Variants in STK24 observed in about 807,000 individuals in gnomAD.
The protein encoded by STK24 is serine/threonine kinase 24.
STK24 carries 21 observed loss-of-function variants against 55.6 expected under a neutral mutation model. That is an observed-to-expected ratio of 0.38 (90% CI 0.27 to 0.54). The LOEUF is 0.54. Ranked by LOEUF, STK24 falls within the 20% of genes least tolerant of loss-of-function variation. STK24 has a pLI of 0.79. For synonymous variants in STK24, 200 were observed against 215.2 expected (o/e 0.93, Z 0.62); for missense variants, 383 against 538.4 (o/e 0.71, Z 2.86).
chr13:98,576,568 G>A (rs1390261576), intron 1 of STK24, among the ~76,000 whole-genome samples, 177 bp downstream of exon 1: 1 of 152,018 alleles, frequency 6.6e-6, no homozygotes, highest in African/African-American at 2.4e-5. Context: ...GGCCGCCGGA[G>A]CCGGCAGGGA....
chr13:98,569,749 G>A (rs917794605), intron 1 of STK24, among the ~76,000 whole-genome samples: 5 of 151,872 alleles, frequency 3.3e-5, no homozygotes, highest in Non-Finnish European at 7.4e-5. Flanking sequence ...ACATCTCTCT[G>A]CTGGGGGAGA....
At chr13:98,552,174 T>C (rs1035389661) in intron 1 of STK24, among the ~76,000 whole-genome samples, 8 of 152,242 alleles carry the variant, frequency 5.3e-5, no homozygotes, top group African/African-American at 1.9e-4. Flanking sequence ...TTCTATATTT[T>C]GAATAAATTA....
In STK24 at chr13:98,538,438, CGGTCTCA is replaced by C. The variant is rs1445845217; in HGVS notation, c.43-18972_43-18966del. Among the ~76,000 whole-genome samples, 79 of 151,982 alleles carry C rather than the reference CGGTCTCA, an allele frequency of 5.2e-4. 1 individual carries two copies. Among genetic ancestry groups the C allele is most frequent in the African/African-American group, 1.8e-3 (76 of 41,458 alleles). ...TGGGGTTTCACCATGTTGGTCAAGC[CGGTCTCA>C]AACTCCTGACCTCAGGTGATCCTCC... On this transcript the variant is annotated intron_variant, in intron 1 of 10. Transcript: ENST00000539966.
At chr13:98,540,763 C>CAAAAA (rs35957882) in intron 1 of STK24, among the ~76,000 whole-genome samples, 15 of 58,872 alleles carry the variant, frequency 2.5e-4, no homozygotes, top group African/African-American at 4.4e-4. Flanking sequence ...ATATTAAAAG[C>CAAAAA]AAAAAAAAAA....
chr13:98,479,853 G>A (rs1396405545), intron 3 of STK24, among the ~76,000 whole-genome samples: 2 of 152,174 alleles, frequency 1.3e-5, no homozygotes, highest in Non-Finnish European at 2.9e-5. Context: ...CTGAGAGCAG[G>A]CCAACAGAAA....
intron 1 of STK24, among the ~76,000 whole-genome samples, chr13:98,533,695 T>C (rs1026983540): frequency 9.9e-5 from 15 of 151,934 alleles, no homozygotes; most frequent in African/African-American, 3.6e-4. Context: ...TTGAAAAGTA[T>C]TAAAAATGAG....
intron 1 of STK24, among the ~76,000 whole-genome samples, chr13:98,520,541 G>A (rs1256902116): frequency 6.6e-6 from 1 of 152,212 alleles, no homozygotes; most frequent in Non-Finnish European, 1.5e-5. Flanking sequence ...GCCTGAAAAG[G>A]AGGTAAAGAA....
rs371580279 is a variant in STK24 at position 98,482,292 on chromosome 13, A to G, written c.303T>C (p.Tyr101=). 1.4e-5 allele frequency: 22 copies of G among 1,575,970 alleles called. No homozygotes were observed. The highest frequency in any genetic ancestry group is 2.7e-5 in the African/African-American group (2 of 73,202). The change falls in exon 3 of 11, where the codon TAT becomes TAC. Residue 101 remains tyrosine, a synonymous_variant. Transcript: ENST00000539966. ...KDTKLWIIME[Y]LGGGSALDLL... is the part of the protein sequence containing the mutation. ...GATCTAGTGCGGAGCCTCCACCAAG[A>G]TATTCCATTATTATCCATAATTTTG...
At chr13:98,514,561 G>C (rs1895991433) in intron 2 of STK24, among the ~76,000 whole-genome samples, 2 of 152,172 alleles carry the variant, frequency 1.3e-5, no homozygotes, top group Admixed American at 1.3e-4. Context: ...ACTCAGAAAA[G>C]TTTTTAGGAA....
intron 1 of STK24, among the ~76,000 whole-genome samples, chr13:98,569,312 T>G (rs1897672800): frequency 6.6e-6 from 1 of 151,782 alleles, no homozygotes; most frequent in East Asian, 1.9e-4. Context: ...AAAAAAATTT[T>G]TGAAAAGCCT....
intron 1 of STK24, among the ~76,000 whole-genome samples, chr13:98,528,558 A>G (rs575417415): frequency 6.6e-6 from 1 of 152,334 alleles, no homozygotes; most frequent in African/African-American, 2.4e-5. Context: ...TCCACAATAC[A>G]ACACAACACT....
chr13:98,465,609 A>C (rs912327), intron 6 of STK24, among the ~76,000 whole-genome samples: 150,288 of 152,370 alleles, frequency 0.99, 74,151 homozygotes, highest in East Asian at 1. Flanking sequence ...ATGTTGCATT[A>C]CCCATTTAAT....
chr13:98,468,844 C>T (rs901367442), intron 5 of STK24, among the ~76,000 whole-genome samples: 4 of 152,202 alleles, frequency 2.6e-5, no homozygotes, highest in Admixed American at 2.0e-4. Flanking sequence ...CTGGGATATT[C>T]CAAATCTTCT....
chr13:98,457,335 G>A, intron 9 of STK24, 31 bp from the exon 10 acceptor site: 3 of 1,613,620 alleles, frequency 1.9e-6, no homozygotes, highest in South Asian at 2.2e-5. Flanking sequence ...AGAATGGCAT[G>A]AAGCACACCA....
intron 1 of STK24, among the ~76,000 whole-genome samples, chr13:98,528,249 C>T (rs1292930231): frequency 6.6e-6 from 1 of 152,218 alleles, no homozygotes; most frequent in East Asian, 1.9e-4. Flanking sequence ...ACCTACCTTG[C>T]AAGGCGAAAA....
intron 2 of STK24, among the ~76,000 whole-genome samples, chr13:98,499,411 T>A (rs1326402999): frequency 2.0e-5 from 3 of 152,194 alleles, no homozygotes; most frequent in African/African-American, 4.8e-5. Context: ...CCTGGTGTGT[T>A]CCCACTTGGA....
chr13:98,501,393 G>T (rs1354523738), intron 2 of STK24, among the ~76,000 whole-genome samples: 1 of 152,044 alleles, frequency 6.6e-6, no homozygotes, highest in Non-Finnish European at 1.5e-5. Context: ...GGCAGGGGCA[G>T]CGAGAGAGAC....
rs576501127 is a variant in STK24 at position 98,555,933 on chromosome 13, C to T, written c.42+20812G>A. Among the ~76,000 whole-genome samples, 39 of 151,722 alleles carry T rather than the reference C, an allele frequency of 2.6e-4. 1 individual carries two copies. Among genetic ancestry groups the T allele is most frequent in the Middle Eastern group, 3.5e-3 (1 of 288 alleles). ...TCCTGACCTTGTGATCCACCCGCCT[C>T]GGCCTCTCAAAGTGCTGGGATTACA... is the stretch of plus-strand genomic sequence containing the variant. On this transcript the variant is annotated intron_variant, in intron 1 of 10. Transcript: ENST00000539966.
intron 9 of STK24, among the ~76,000 whole-genome samples, chr13:98,459,136 C>T (rs575811434): frequency 3.3e-5 from 5 of 152,330 alleles, no homozygotes; most frequent in East Asian, 1.9e-4. Flanking sequence ...CCTATTCCAG[C>T]GGCCAATGGC....
Sources: allele counts gnomAD v4.1 joint callset (sites outside exome capture counted in the v4.1 genomes callset), GRCh38; gene constraint gnomAD v4.1.1; transcripts MANE v1.5; gene names NCBI Gene and HGNC (gene_info 2026-07-23, HGNC 2026-07-21).